Variants in KCNH1 observed in about 807,000 individuals in gnomAD.
KCNH1 encodes the protein potassium voltage-gated channel subfamily H member 1, also known as voltage-gated delayed rectifier potassium channel KCNH1.
A neutral mutation model predicts 69.2 loss-of-function variants in KCNH1; 27 were observed. The observed-to-expected ratio is 0.39, with a 90% CI of 0.29 to 0.54. The LOEUF is 0.54. KCNH1 is among the 20% of genes least tolerant of loss of function. The pLI, the probability that KCNH1 is intolerant of heterozygous loss-of-function variation, is 0.68. For missense variants in KCNH1, 798 were observed against 1,261.6 expected (o/e 0.63, Z 5.57); for synonymous variants, 456 against 487.7 (o/e 0.93, Z 0.86).
chr1:211,032,267 C>A (rs1571593271), intron 5 of KCNH1, among the ~76,000 whole-genome samples: 1 of 152,110 alleles, frequency 6.6e-6, no homozygotes, highest in South Asian at 2.1e-4. Flanking sequence ...AAAGAGGATA[C>A]AAACAATTGG....
intron 7 of KCNH1, among the ~76,000 whole-genome samples, chr1:210,894,394 T>C (rs1255878528): frequency 1.3e-5 from 2 of 152,192 alleles, no homozygotes; most frequent in African/African-American, 4.8e-5. Flanking sequence ...ACTGAACTTC[T>C]TCCCAACCTT....
At chr1:210,823,956 C>A (rs1684984532) in intron 7 of KCNH1, among the ~76,000 whole-genome samples, 3 of 74,996 alleles carry the variant, frequency 4.0e-5, no homozygotes, top group Admixed American at 3.8e-4. Context: ...CTTGCTCAGG[C>A]TTTTTTACTT....
chr1:210,735,272 C>A (rs1379509866), intron 10 of KCNH1, among the ~76,000 whole-genome samples: 2 of 152,174 alleles, frequency 1.3e-5, no homozygotes, highest in African/African-American at 2.4e-5. Flanking sequence ...CCAGGCATCA[C>A]CTTTCTTCTT....
At chr1:210,802,290 A>G (rs1051471707) in intron 8 of KCNH1, among the ~76,000 whole-genome samples, 4 of 152,234 alleles carry the variant, frequency 2.6e-5, no homozygotes, top group Non-Finnish European at 4.4e-5. Flanking sequence ...TCAACTCTCA[A>G]CTGACAATTC....
chr1:210,743,794 G>C (rs1276033171), intron 10 of KCNH1, among the ~76,000 whole-genome samples: 1 of 152,192 alleles, frequency 6.6e-6, no homozygotes, highest in Non-Finnish European at 1.5e-5. Flanking sequence ...TGCCTACTCT[G>C]TGTCAGGTTT....
intron 5 of KCNH1, among the ~76,000 whole-genome samples, chr1:211,044,623 A>C (rs1690059340): frequency 6.6e-6 from 1 of 152,210 alleles, no homozygotes; most frequent in African/African-American, 2.4e-5. Context: ...AATTCTCAAA[A>C]GAAGATATTC....
intron 7 of KCNH1, among the ~76,000 whole-genome samples, chr1:210,907,698 T>C (rs774948668): frequency 6.6e-6 from 1 of 152,014 alleles, no homozygotes; most frequent in African/African-American, 2.4e-5. Context: ...ACAGAAGAAG[T>C]AACATTAGCA....
chr1:211,125,658 C>T (rs934781104), intron 1 of KCNH1, among the ~76,000 whole-genome samples: 1 of 152,102 alleles, frequency 6.6e-6, no homozygotes, highest in Non-Finnish European at 1.5e-5. Flanking sequence ...CTGAGAATGC[C>T]AGTGGAGGAT....
At chr1:211,099,195 A>G (rs184446239) in intron 3 of KCNH1, among the ~76,000 whole-genome samples, 16 of 152,274 alleles carry the variant, frequency 1.1e-4, no homozygotes, top group South Asian at 2.1e-4. Flanking sequence ...TGATTTTTAA[A>G]TTGTATACAA....
At chr1:210,922,585 C>A (rs769481297) in intron 6 of KCNH1, among the ~76,000 whole-genome samples, 4 of 152,140 alleles carry the variant, frequency 2.6e-5, no homozygotes, top group Non-Finnish European at 4.4e-5. Context: ...AAACCTTACT[C>A]TTGGCATGCC....
At chr1:210,728,576 A>G (rs1162016888) in intron 10 of KCNH1, among the ~76,000 whole-genome samples, 1 of 152,200 alleles carries the variant, frequency 6.6e-6, no homozygotes, top group East Asian at 1.9e-4. Context: ...AAATGGGAAA[A>G]GACATGGGGG....
intron 1 of KCNH1, among the ~76,000 whole-genome samples, chr1:211,116,028 C>T (rs1691574870): frequency 6.6e-6 from 1 of 151,864 alleles, no homozygotes; most frequent in Admixed American, 6.6e-5. Context: ...CCCAGATACT[C>T]GGGAGGCTGA....
intron 10 of KCNH1, among the ~76,000 whole-genome samples, chr1:210,699,664 C>T (rs1167999144): frequency 6.6e-6 from 1 of 152,222 alleles, no homozygotes; most frequent in Non-Finnish European, 1.5e-5. Flanking sequence ...ACACCCCCAA[C>T]CCTGCCCCAT....
At chr1:210,977,485 C>T (rs1181034294) in intron 6 of KCNH1, among the ~76,000 whole-genome samples, 1 of 151,964 alleles carries the variant, frequency 6.6e-6, no homozygotes, top group Non-Finnish European at 1.5e-5. Context: ...ACAGTACCCC[C>T]ATCACTCCAC....
At chr1:210,880,235 C>T (rs1686466177) in intron 7 of KCNH1, among the ~76,000 whole-genome samples, 2 of 152,046 alleles carry the variant, frequency 1.3e-5, no homozygotes, top group Admixed American at 1.3e-4. Flanking sequence ...CATCAACAAG[C>T]TGATTCTAAA....
chr1:210,762,297 A>G (rs548220854), intron 10 of KCNH1, among the ~76,000 whole-genome samples: 1 of 152,252 alleles, frequency 6.6e-6, no homozygotes, highest in South Asian at 2.1e-4. Context: ...GAAATTAACA[A>G]CCTAAGATCA....
intron 6 of KCNH1, among the ~76,000 whole-genome samples, chr1:210,997,625 C>T (rs562040344): frequency 1.7e-4 from 26 of 152,152 alleles, no homozygotes; most frequent in South Asian, 1.0e-3. Flanking sequence ...CAATTTAGCA[C>T]GACAGGCCAA....
At chr1:210,740,656 CT>C (rs1683002317) in intron 10 of KCNH1, among the ~76,000 whole-genome samples, 1 of 148,654 alleles carries the variant, frequency 6.7e-6, no homozygotes, top group African/African-American at 2.5e-5. Flanking sequence ...ACTCTCTTCT[CT>C]TTCCCCCAAC....
chr1:210,840,062 G>A (rs759283030), intron 7 of KCNH1, among the ~76,000 whole-genome samples: 1 of 152,088 alleles, frequency 6.6e-6, no homozygotes, highest in African/African-American at 2.4e-5. Flanking sequence ...TGTTTCTCCA[G>A]GAAATACCTG....
Sources: allele counts gnomAD v4.1 joint callset (sites outside exome capture counted in the v4.1 genomes callset), GRCh38; gene constraint gnomAD v4.1.1; transcripts MANE v1.5; gene names NCBI Gene and HGNC (gene_info 2026-07-23, HGNC 2026-07-21).